Variants in ZDHHC17 observed in about 807,000 individuals in gnomAD.
The protein encoded by ZDHHC17 is zDHHC palmitoyltransferase 17, also known as palmitoyltransferase ZDHHC17.
In ZDHHC17, 40 loss-of-function variants were observed where a neutral mutation model predicts 90.3. The observed-to-expected ratio is 0.44, with a 90% CI of 0.34 to 0.58. The LOEUF is 0.58. ZDHHC17 is among the 20% of genes least tolerant of loss of function. The pLI, the probability that ZDHHC17 is intolerant of heterozygous loss-of-function variation, is 0.01. For synonymous variants in ZDHHC17, 235 were observed against 252.4 expected (o/e 0.93, Z 0.65); for missense variants, 614 against 780.8 (o/e 0.79, Z 2.55).
At chr12:76,787,145 C>A (rs1952696759) in intron 1 of ZDHHC17, among the ~76,000 whole-genome samples, 1 of 147,286 alleles carries the variant, frequency 6.8e-6, no homozygotes, top group Admixed American at 6.8e-5. Flanking sequence ...GTTTTTTGGG[C>A]CCTAATGGAA....
At chr12:76,768,530 G>A (rs1038202160) in intron 1 of ZDHHC17, among the ~76,000 whole-genome samples, 2 of 152,242 alleles carry the variant, frequency 1.3e-5, no homozygotes, top group Non-Finnish European at 2.9e-5. Flanking sequence ...TTGGGAAGTT[G>A]TAGGCACGTG....
chr12:76,847,428 G>A (rs1953507506), intron 14 of ZDHHC17, among the ~76,000 whole-genome samples: 2 of 152,232 alleles, frequency 1.3e-5, no homozygotes, highest in Admixed American at 1.3e-4. Flanking sequence ...CTCAGTTAAA[G>A]ATTAATAGGA....
chr12:76,823,718 G>GAACT (rs1426524078), intron 8 of ZDHHC17, among the ~76,000 whole-genome samples: 3 of 152,146 alleles, frequency 2.0e-5, no homozygotes, highest in Non-Finnish European at 4.4e-5. Flanking sequence ...TGAAAGCAGT[G>GAACT]CCTCCTTTAT....
chr12:76,814,361 A>T (rs548742124), intron 5 of ZDHHC17, among the ~76,000 whole-genome samples: 1 of 152,074 alleles, frequency 6.6e-6, no homozygotes, highest in East Asian at 1.9e-4. Flanking sequence ...TTTGGCTGGG[A>T]ATAGTATTTA....
chr12:76,805,666 C>T (rs750540379), intron 3 of ZDHHC17, among the ~76,000 whole-genome samples: 16 of 152,088 alleles, frequency 1.1e-4, no homozygotes, highest in Non-Finnish European at 2.2e-4. Context: ...GTTTTCTTTA[C>T]TTCTTAATTC....
chr12:76,773,136 G>A (rs923476114), intron 1 of ZDHHC17, among the ~76,000 whole-genome samples: 9 of 152,210 alleles, frequency 5.9e-5, no homozygotes, highest in Non-Finnish European at 1.0e-4. Context: ...GGGCTTACAG[G>A]TGTCAGCCAC....
At chr12:76,792,714 A>G (rs1952773269) in intron 1 of ZDHHC17, among the ~76,000 whole-genome samples, 1 of 152,192 alleles carries the variant, frequency 6.6e-6, no homozygotes, top group South Asian at 2.1e-4. Flanking sequence ...CTTCCAAGTG[A>G]CTATAATTTT....
At chr12:76,835,726 T>G (rs988298965) in intron 10 of ZDHHC17, among the ~76,000 whole-genome samples, 3 of 152,024 alleles carry the variant, frequency 2.0e-5, no homozygotes, top group African/African-American at 7.2e-5. Flanking sequence ...ATTTAGCTCC[T>G]TTAGTCATCC....
chr12:76,834,213 A>T (rs953401944), intron 10 of ZDHHC17, among the ~76,000 whole-genome samples: 4 of 152,066 alleles, frequency 2.6e-5, no homozygotes, highest in African/African-American at 7.2e-5. Context: ...ATTTTTAAAA[A>T]TTTTTTCTCT....
At chr12:76,841,337 T>G (rs774028635) in intron 10 of ZDHHC17, among the ~76,000 whole-genome samples, 5 of 152,204 alleles carry the variant, frequency 3.3e-5, no homozygotes, top group Non-Finnish European at 7.4e-5. Context: ...ACAAATGGTA[T>G]TTGAGTATAC....
At position 76,764,302 on chromosome 12, in the gene ZDHHC17, G is replaced by A; in HGVS notation, c.66G>A (p.Ala22=). The A allele has an allele frequency of 3.1e-6, 5 of 1,604,952 alleles. No individual in the cohort carries two copies. Among genetic ancestry groups the A allele is most frequent in the Non-Finnish European group, 4.3e-6 (5 of 1,175,876 alleles). ...ADGPDEYDTE[A]GCVPLLHPEE... ...GCCCGGATGAGTACGATACCGAAGC[G>A]GGCTGTGTGCCCCTTCTCCACCCAG... is the stretch of plus-strand genomic sequence containing the variant. Residue 22 remains alanine (A), a synonymous_variant, in exon 1 of 17, where the codon GCG becomes GCA. Coordinates refer to ENST00000426126, the MANE Select transcript of ZDHHC17 (RefSeq NM_015336.4).
chr12:76,785,072 A>G (rs1202179082), intron 1 of ZDHHC17, among the ~76,000 whole-genome samples: 4 of 152,178 alleles, frequency 2.6e-5, no homozygotes, highest in Non-Finnish European at 5.9e-5. Context: ...TCAAACAAGG[A>G]CAGTTTTGTG....
chr12:76,835,628 C>G (rs1262364748), intron 10 of ZDHHC17, among the ~76,000 whole-genome samples: 1 of 151,868 alleles, frequency 6.6e-6, no homozygotes, highest in African/African-American at 2.4e-5. Flanking sequence ...TTTATTATTT[C>G]TAATAACTTG....
At chr12:76,825,652 A>G (rs2137783007) in intron 8 of ZDHHC17, among the ~76,000 whole-genome samples, 1 of 148,636 alleles carries the variant, frequency 6.7e-6, no homozygotes, top group Non-Finnish European at 1.5e-5. Flanking sequence ...ACAGTGGTCA[A>G]ATTGGGGAAG....
chr12:76,827,284 G>A (rs1260716433), intron 9 of ZDHHC17, among the ~76,000 whole-genome samples: 1 of 152,046 alleles, frequency 6.6e-6, no homozygotes, highest in Non-Finnish European at 1.5e-5. Context: ...AACATAGTTT[G>A]AGAAATATTT....
intron 9 of ZDHHC17, among the ~76,000 whole-genome samples, chr12:76,827,490 C>G (rs892779954): frequency 6.6e-6 from 1 of 152,016 alleles, no homozygotes; most frequent in Admixed American, 6.6e-5. Flanking sequence ...GTTGTGAAGT[C>G]GGCTGAGTTT....
In ZDHHC17 at chr12:76,822,478, C is replaced by G; in HGVS notation, c.844C>G (p.Gln282Glu). The change falls in exon 8 of 17, where the codon CAA becomes GAA. Residue 282 changes from glutamine to glutamate, a missense_variant. By Grantham distance (29) the Gln-to-Glu change is conservative. Coordinates refer to ENST00000426126, the MANE Select transcript of ZDHHC17 (RefSeq NM_015336.4). ...GATCAACCACTTACAAGAGGCAAGG[C>G]AAGCAAAAGGATATGACAATCCGTC... ...WMINHLQEAR[Q>E]AKGYDNPSFL... 1 of 1,612,236 alleles carries G rather than the reference C, an allele frequency of 6.2e-7. No homozygotes were observed. Among genetic ancestry groups the G allele is most frequent in the Non-Finnish European group, 8.5e-7 (1 of 1,179,378 alleles).
chr12:76,818,389 T>G (rs763790247), intron 7 of ZDHHC17, among the ~76,000 whole-genome samples: 2 of 152,150 alleles, frequency 1.3e-5, no homozygotes, highest in African/African-American at 2.4e-5. Context: ...TCTTATTCAA[T>G]GGTGGGTGGT....
At chr12:76,849,533 C>T in intron 16 of ZDHHC17, 63 bp downstream of exon 16, 1 of 1,006,284 alleles carries the variant, frequency 9.9e-7, no homozygotes, top group Non-Finnish European at 1.5e-6. Flanking sequence ...ACTAACCAGA[C>T]TCTTTTACTT....
Sources: gnomAD v4.1 joint callset for allele counts (sites outside exome capture counted in the v4.1 genomes callset) on GRCh38, gnomAD v4.1.1 for gene constraint, MANE v1.5 for transcripts, NCBI Gene and HGNC (gene_info 2026-07-23, HGNC 2026-07-21) for gene names.